The following PPM1L variants were observed in gnomAD, a reference collection of about 807,000 sequenced individuals.
The protein encoded by PPM1L is protein phosphatase 1L.
In PPM1L, 13 loss-of-function variants were observed where a neutral mutation model predicts 31.4. That is an observed-to-expected ratio of 0.41 (90% CI 0.27 to 0.66). PPM1L has a LOEUF of 0.66. PPM1L is among the 30% of genes least tolerant of loss of function. The pLI, the probability that PPM1L is intolerant of heterozygous loss-of-function variation, is 0.29. For synonymous variants in PPM1L, 184 were observed against 175.4 expected, an observed-to-expected ratio of 1.05 and a Z score of -0.39; for missense variants, 326 against 453.7, an observed-to-expected ratio of 0.72 and a Z score of 2.56.
chr3:160,926,172 G>C (rs1281056732), intron 1 of PPM1L, among the ~76,000 whole-genome samples: 19 of 152,140 alleles, frequency 1.2e-4, no homozygotes, highest in Admixed American at 1.2e-3. Flanking sequence ...CTTTCCTCTA[G>C]CGTCTTTTTC....
intron 2 of PPM1L, among the ~76,000 whole-genome samples, chr3:161,047,249 A>T (rs562092960): frequency 6.6e-6 from 1 of 152,350 alleles, no homozygotes; most frequent in South Asian, 2.1e-4. Context: ...AAGTCTCAGT[A>T]TACAAAATCA....
intron 1 of PPM1L, among the ~76,000 whole-genome samples, chr3:160,813,372 C>T (rs988448598): frequency 1.3e-5 from 2 of 152,098 alleles, no homozygotes; most frequent in Admixed American, 6.5e-5. Flanking sequence ...CAGAGCCTCA[C>T]TCTGTCATCC....
At chr3:160,879,812 C>T (rs1042553850) in intron 1 of PPM1L, among the ~76,000 whole-genome samples, 2 of 152,162 alleles carry the variant, frequency 1.3e-5, no homozygotes, top group Non-Finnish European at 2.9e-5. Context: ...AAGTTTTCAG[C>T]TGGTGCTTAT....
At position 161,042,294 on chromosome 3, in the gene PPM1L, C is replaced by T. The variant is rs1436339758; in HGVS notation, c.575-23109C>T. 2.6e-5 allele frequency among the ~76,000 whole-genome samples: 4 copies of T among 152,236 alleles called. No individual in the cohort carries two copies. The East Asian group carries it at 7.7e-4, about 29-fold the overall frequency. On this transcript the variant is annotated intron_variant, in intron 2 of 3. Transcript: ENST00000498165. ...TTCACAACACTACCAGAATGCCTGG[C>T]ATGGCAGAAAGTGCTTGTTAAATGC...
At chr3:160,824,171 T>C (rs1209361308) in intron 1 of PPM1L, among the ~76,000 whole-genome samples, 1 of 152,062 alleles carries the variant, frequency 6.6e-6, no homozygotes, top group Non-Finnish European at 1.5e-5. Context: ...ATGGGATTAG[T>C]GTGCCCTTCC....
chr3:160,872,412 T>A (rs1044018680), intron 1 of PPM1L, among the ~76,000 whole-genome samples: 2 of 152,140 alleles, frequency 1.3e-5, no homozygotes, highest in Non-Finnish European at 2.9e-5. Context: ...CTCAAGCACC[T>A]CCCATATGCC....
rs920112575 is a variant in PPM1L, at chr3:161,071,220, C to G, written c.*2063C>G. On this transcript the variant is annotated 3_prime_UTR_variant, in exon 4 of 4. Coordinates refer to ENST00000498165, the MANE Select transcript of PPM1L (RefSeq NM_139245.4). Reference sequence around the variant, plus strand: ...TCTGACTCCTAAGAGTTGCCCCCACCCACCATCAAACTGAAATCAGCACCA... The same window carrying G: ...TCTGACTCCTAAGAGTTGCCCCCACGCACCATCAAACTGAAATCAGCACCA... 1 of 152,224 alleles carries G rather than the reference C, an allele frequency of 6.6e-6. No individual in the cohort carries two copies. Among genetic ancestry groups the G allele is most frequent in the African/African-American group, 2.4e-5 (1 of 41,446 alleles). The allele number at this position is 152,224 out of a possible 1,614,324, so 9.4% of individuals were successfully genotyped here.
At chr3:160,831,264 T>C (rs538833582) in intron 1 of PPM1L, among the ~76,000 whole-genome samples, 131 of 152,350 alleles carry the variant, frequency 8.6e-4, no homozygotes, top group African/African-American at 3.0e-3. Flanking sequence ...CTGATCATTA[T>C]ACATGATATG....
At chr3:160,832,920 C>T (rs747680759) in intron 1 of PPM1L, among the ~76,000 whole-genome samples, 6 of 152,132 alleles carry the variant, frequency 3.9e-5, no homozygotes, top group Non-Finnish European at 7.4e-5. Flanking sequence ...CTCCCTCCCT[C>T]GACCCCACCC....
intron 1 of PPM1L, among the ~76,000 whole-genome samples, chr3:160,908,234 A>C (rs766239219): frequency 3.9e-5 from 6 of 152,158 alleles, no homozygotes; most frequent in Non-Finnish European, 8.8e-5. Context: ...TTTCTTTTTT[A>C]AGTAGTAGGC....
chr3:160,929,174 A>G (rs1020621109), intron 1 of PPM1L, among the ~76,000 whole-genome samples: 2 of 152,060 alleles, frequency 1.3e-5, no homozygotes, highest in Non-Finnish European at 1.5e-5. Flanking sequence ...TTATTTTCCT[A>G]TTTTCCAATT....
intron 1 of PPM1L, among the ~76,000 whole-genome samples, chr3:160,857,018 C>T (rs1208384657): frequency 6.6e-6 from 1 of 152,080 alleles, no homozygotes; most frequent in African/African-American, 2.4e-5. Context: ...TTCTAACTTT[C>T]CTATCCTTTA....
intron 2 of PPM1L, among the ~76,000 whole-genome samples, chr3:161,058,903 A>C (rs774774564): frequency 5.9e-5 from 9 of 152,156 alleles, no homozygotes; most frequent in Non-Finnish European, 8.8e-5. Context: ...CTCAAGCTCT[A>C]CTTGTCAAAT....
chr3:161,036,004 A>C (rs1177489160), intron 2 of PPM1L: 1 of 152,272 alleles, frequency 6.6e-6, no homozygotes, highest in East Asian at 1.9e-4. Flanking sequence ...CCAGCAAGTC[A>C]GCAAGTCCAA....
At chr3:160,953,061 C>G (rs541110397) in intron 1 of PPM1L, among the ~76,000 whole-genome samples, 1 of 152,104 alleles carries the variant, frequency 6.6e-6, no homozygotes, top group African/African-American at 2.4e-5. Context: ...GGCAAAAATC[C>G]CTTTTCTTCT....
In PPM1L at chr3:161,026,217, G is replaced by A. The variant is rs535548968; in HGVS notation, c.575-39186G>A. ...TAAGAGTTTGTACTGCCCTTAAGGGGGTACTCACTGGTGAAGGGTTAGACA... is the reference window on the plus strand; with the variant it reads ...TAAGAGTTTGTACTGCCCTTAAGGGAGTACTCACTGGTGAAGGGTTAGACA... On this transcript the variant is annotated intron_variant, in intron 2 of 3. Transcript: ENST00000498165. Among the ~76,000 whole-genome samples the A allele has an allele frequency of 7.9e-5, 12 of 152,272 alleles. No homozygotes were observed. The South Asian group carries it at 2.3e-3, about 29-fold the overall frequency.
chr3:160,788,481 AAAG>A (rs1712001044), intron 1 of PPM1L, among the ~76,000 whole-genome samples: 1 of 152,100 alleles, frequency 6.6e-6, no homozygotes, highest in Non-Finnish European at 1.5e-5. Flanking sequence ...CTTTCTGTAG[AAAG>A]AAGATTTGCC....
At chr3:160,930,927 T>C (rs1714765853) in intron 1 of PPM1L, among the ~76,000 whole-genome samples, 1 of 152,116 alleles carries the variant, frequency 6.6e-6, no homozygotes, top group African/African-American at 2.4e-5. Context: ...AGCAAGCATA[T>C]GGTTAGATAA....
intron 1 of PPM1L, among the ~76,000 whole-genome samples, chr3:160,874,429 T>G (rs763871174): frequency 3.9e-5 from 6 of 152,200 alleles, no homozygotes; most frequent in Admixed American, 2.6e-4. Flanking sequence ...TTCAAGATAT[T>G]TCTGTATCCT....
Sources: allele counts gnomAD v4.1 joint callset (sites outside exome capture counted in the v4.1 genomes callset), GRCh38; gene constraint gnomAD v4.1.1; transcripts MANE v1.5; gene names NCBI Gene and HGNC (gene_info 2026-07-23, HGNC 2026-07-21).